Variants in ANKS1A observed in about 807,000 individuals in gnomAD.
ANKS1A encodes ankyrin repeat and SAM domain-containing protein 1A.
A neutral mutation model predicts 120.3 loss-of-function variants in ANKS1A; 55 were observed. That is an observed-to-expected ratio of 0.46 (90% CI 0.37 to 0.57). The LOEUF (loss-of-function observed/expected upper bound fraction) is 0.57, where lower values mean the gene tolerates loss of function less well. Ranked by LOEUF, ANKS1A falls within the 20% of genes least tolerant of loss-of-function variation. The pLI is 0.00. For synonymous variants in ANKS1A, 590 were observed against 604.7 expected (o/e 0.98, Z 0.36); for missense variants, 1,123 against 1,480.3 (o/e 0.76, Z 3.96).
At chr6:35,038,187 C>T in intron 11 of ANKS1A, 2 of 456,676 alleles carry the variant, frequency 4.4e-6, no homozygotes, top group South Asian at 3.1e-5. Context: ...TTTCCATTTT[C>T]TCTAGGCTAA....
rs148441648 is a variant in ANKS1A at position 35,059,078 on chromosome 6, T to G, written c.2078-1069T>G. Among the ~76,000 whole-genome samples, 48 of 152,322 alleles carry G rather than the reference T, an allele frequency of 3.2e-4. No homozygotes were observed. The East Asian group carries it at 8.7e-3, about 28-fold the overall frequency. The stretch of plus-strand genomic sequence containing the variant: ...TTTTCTCTCTTTTATCTGGTTGGGT[T>G]TTGTCTTCTTTACCCAAGAACTGAA... On this transcript the variant is annotated intron_variant, in intron 12 of 23. Coordinates refer to ENST00000360359, the MANE Select transcript of ANKS1A (RefSeq NM_015245.3).
chr6:35,034,455 TAGTC>T (rs1465482357), intron 11 of ANKS1A, among the ~76,000 whole-genome samples: 1 of 152,204 alleles, frequency 6.6e-6, no homozygotes, highest in Admixed American at 6.5e-5. Flanking sequence ...TCATTGACGT[TAGTC>T]AGAGCATCTG....
intron 1 of ANKS1A, among the ~76,000 whole-genome samples, chr6:34,952,699 A>G (rs1341727409): frequency 6.6e-6 from 1 of 151,886 alleles, no homozygotes; most frequent in East Asian, 1.9e-4. Context: ...TTCGAAGAAT[A>G]TATTTAAGTT....
Position 34,984,949 on chromosome 6 carries a change from AG to A in ANKS1A, c.1013-132del, listed in dbSNP as rs2127529678. The A allele has an allele frequency of 4.1e-6, 3 of 730,886 alleles. No individual in the cohort carries two copies. The Admixed American group carries it at 8.6e-5, about 21-fold the overall frequency. 45.3% of individuals were successfully genotyped at this position (730,886 alleles called of 1,614,324 possible). ...ATACGTATTCTTGTCCATGGAACAA[AG>A]TAATCATTTTCTTGCTCTGGGTTAG... On this transcript the variant is annotated intron_variant, in intron 7 of 23. Transcript: ENST00000360359.
intron 1 of ANKS1A, among the ~76,000 whole-genome samples, chr6:34,907,671 G>A (rs1196899276): frequency 6.6e-6 from 1 of 152,122 alleles, no homozygotes; most frequent in Admixed American, 6.5e-5. Context: ...CAACTTTTCT[G>A]TAAGCCTAAT....
Position 35,086,850 on chromosome 6 carries a change from C to T in ANKS1A, c.3304-102C>T, listed in dbSNP as rs1778017913. ...CGAGGAGAATAAGGGCTGCCCCTCC[C>T]AGCACAGGGGCCACAGCCTGGCCTG... On this transcript the variant is annotated intron_variant, in intron 22 of 23. Coordinates refer to ENST00000360359, the MANE Select transcript of ANKS1A (RefSeq NM_015245.3). The surrounding 1 kb of genome is among the most constrained non-coding windows in gnomAD (Gnocchi z 5.1). The T allele has an allele frequency of 3.4e-6, 4 of 1,193,804 alleles. No individual in the cohort carries two copies. Among genetic ancestry groups the T allele is most frequent in the African/African-American group, 1.5e-5 (1 of 66,588 alleles). 74.0% of individuals were successfully genotyped at this position (1,193,804 alleles called of 1,614,324 possible).
downstream of ANKS1A, chr6:35,091,471 CACAGGCGAGA>C: frequency 1.0e-6 from 1 of 964,320 alleles, no homozygotes; most frequent in Non-Finnish European, 1.2e-6. Context: ...GAGGCGTGGG[CACAGGCGAGA>C]CGCAGGCTCA....
chr6:34,910,541 G>A (rs1469121274), intron 1 of ANKS1A, among the ~76,000 whole-genome samples: 2 of 152,094 alleles, frequency 1.3e-5, no homozygotes, highest in Non-Finnish European at 2.9e-5. Flanking sequence ...TCCAGCCTGG[G>A]CAACATAGCC....
chr6:35,068,838 G>C (rs1024766672), intron 13 of ANKS1A, among the ~76,000 whole-genome samples: 1 of 152,216 alleles, frequency 6.6e-6, no homozygotes, highest in Non-Finnish European at 1.5e-5. Flanking sequence ...TCTGAGAAGA[G>C]ACAGGCAGAC....
In ANKS1A at chr6:34,994,341, C is replaced by T. The variant is rs778346305; in HGVS notation, c.1342C>T (p.Arg448Trp). 9.9e-6 allele frequency: 16 copies of T among 1,613,460 alleles called. No homozygotes were observed. Among genetic ancestry groups the T allele is most frequent in the African/African-American group, 9.4e-5 (7 of 74,864 alleles). ...MRPRIHGSAA[R>W]EEDEHPYELL... The stretch of plus-strand genomic sequence containing the variant: ...ACCTAGGATTCATGGGAGTGCAGCC[C>T]GGGAAGAAGACGAACACCCTTATGA... Residue 448 changes from arginine (R) to tryptophan (W), a missense_variant, in exon 10 of 24, where the codon CGG (arginine) becomes TGG (tryptophan). This residue lies in a region of ANKS1A where 904 missense variants were observed against 1,130.4 expected (regional missense o/e 0.80). Transcript: ENST00000360359.
chr6:34,964,302 T>G (rs1770790714), intron 1 of ANKS1A, among the ~76,000 whole-genome samples: 1 of 152,172 alleles, frequency 6.6e-6, no homozygotes, highest in African/African-American at 2.4e-5. Flanking sequence ...TGTGAATAGA[T>G]TCTCACTGTT....
chr6:35,036,785 A>G (rs1461717321), intron 11 of ANKS1A, among the ~76,000 whole-genome samples: 2 of 152,224 alleles, frequency 1.3e-5, no homozygotes, highest in Non-Finnish European at 2.9e-5. Flanking sequence ...GCCTTACAGC[A>G]GTGGTTCTCA....
chr6:34,911,315 C>A (rs576979929), intron 1 of ANKS1A, among the ~76,000 whole-genome samples: 1 of 152,156 alleles, frequency 6.6e-6, no homozygotes, highest in South Asian at 2.1e-4. Flanking sequence ...GACATGTGTG[C>A]AGAAAGCCAA....
At chr6:34,961,528 T>G (rs763063412) in intron 1 of ANKS1A, among the ~76,000 whole-genome samples, 135 of 152,368 alleles carry the variant, frequency 8.9e-4, no homozygotes, top group South Asian at 2.1e-3. Flanking sequence ...TTTCCTTTTC[T>G]TTTCTAATTG....
intron 9 of ANKS1A, among the ~76,000 whole-genome samples, chr6:34,992,931 C>T (rs923583549): frequency 2.0e-5 from 3 of 152,146 alleles, no homozygotes; most frequent in African/African-American, 4.8e-5. Flanking sequence ...AGCAAAAACC[C>T]GATGAACCAC....
chr6:34,983,207 A>G lies in ANKS1A; in HGVS notation c.903A>G (p.Leu301=), dbSNP rs1388697025. The G allele has an allele frequency of 6.2e-7, 1 of 1,614,084 alleles. No individual in the cohort carries two copies. The highest frequency in any genetic ancestry group is 8.5e-7 in the Non-Finnish European group (1 of 1,179,968). Reference sequence around the variant, plus strand: ...AAAAGAGCCAGCAAATAGCAGCATTAATTGAAGGTATCATCCTTTCTCCCT... The same window carrying G: ...AAAAGAGCCAGCAAATAGCAGCATTGATTGAAGGTATCATCCTTTCTCCCT... ...PSQKSQQIAA[L]IEDHMTGKRS... is the part of the protein sequence containing the mutation. Residue 301 remains leucine (L), a synonymous_variant, in exon 6 of 24, where the codon TTA becomes TTG. Coordinates refer to ENST00000360359, the MANE Select transcript of ANKS1A (RefSeq NM_015245.3).
rs1776087940 is a variant in ANKS1A at position 35,054,038 on chromosome 6, A to T, written c.2011-61A>T. On this transcript the variant is annotated intron_variant, in intron 11 of 23. Coordinates refer to ENST00000360359, the MANE Select transcript of ANKS1A (RefSeq NM_015245.3). ...GTCAGACCCCACTGGCGCTGTGGTG[A>T]GCTGGTAAGGTTTACCCCAAGCCTG... The T allele has an allele frequency of 2.1e-6, 3 of 1,428,862 alleles. No homozygotes were observed. In the East Asian group the frequency reaches 6.8e-5, roughly 33 times the overall value. The allele number at this position is 1,428,862 out of a possible 1,614,324, so 88.5% of individuals were successfully genotyped here. A position where few individuals can be genotyped will look rare whatever the true frequency, so the allele number is the denominator to read the frequency against.
At chr6:34,938,281 T>G (rs1238645026) in intron 1 of ANKS1A, among the ~76,000 whole-genome samples, 1 of 152,230 alleles carries the variant, frequency 6.6e-6, no homozygotes, top group Non-Finnish European at 1.5e-5. Context: ...AAAATCAATC[T>G]TATTTAGGCT....
chr6:35,030,806 C>T (rs546022212), intron 11 of ANKS1A, among the ~76,000 whole-genome samples: 4 of 152,306 alleles, frequency 2.6e-5, no homozygotes, highest in Admixed American at 6.5e-5. Context: ...ACCCTCAAAC[C>T]TTCTCGTTTC....
Sources: allele counts gnomAD v4.1 joint callset (sites outside exome capture counted in the v4.1 genomes callset), GRCh38; gene constraint gnomAD v4.1.1; regional missense constraint gnomAD v4.1.1; non-coding constraint Gnocchi (gnomAD v3.1); transcripts MANE v1.5; gene names NCBI Gene and HGNC (gene_info 2026-07-23, HGNC 2026-07-21).